Variants in IQCN observed in about 807,000 individuals in gnomAD.
The protein encoded by IQCN is IQ motif containing N.
In IQCN, 46 loss-of-function variants were observed where a neutral mutation model predicts 64.4. The observed-to-expected ratio is 0.71, with a 90% CI of 0.56 to 0.91. The LOEUF (loss-of-function observed/expected upper bound fraction) is 0.91, where lower values mean the gene tolerates loss of function less well. Ranked by LOEUF, IQCN falls within the 40% of genes least tolerant of loss-of-function variation. The pLI is 0.00. For synonymous variants in IQCN, 733 were observed against 775.6 expected (o/e 0.95, Z 0.91); for missense variants, 1,753 against 1,857.4 (o/e 0.94, Z 1.03).
chr19:18,257,874 T>A lies in IQCN; in HGVS notation c.3410A>T (p.His1137Leu), dbSNP rs1419276195. Reference protein sequence around the residue: ...YLARRRIRLWHRGAMVIQATW... With the variant: ...YLARRRIRLWLRGAMVIQATW... ...AGCTTGGATGACCATGGCCCCCCGG[T>A]GCCACAGCCGGATCCTGCGACGCGC... Residue 1137 changes from histidine (H) to leucine (L), a missense_variant, in exon 4 of 4, where the codon CAC (histidine) becomes CTC (leucine). Physicochemically the swap from His to Leu is moderately conservative, Grantham distance 99 (BLOSUM62 -3). Coordinates refer to ENST00000392413, the MANE Select transcript of IQCN (RefSeq NM_001145304.2). 1.2e-6 allele frequency: 2 copies of A among 1,612,190 alleles called. No individual in the cohort carries two copies. The highest frequency in any genetic ancestry group is 2.7e-5 in the African/African-American group (2 of 74,916).
Position 18,257,904 on chromosome 19 carries a change from T to G in IQCN, c.3380A>C (p.Tyr1127Ser). 1 of 1,612,716 alleles carries G rather than the reference T, an allele frequency of 6.2e-7. No homozygotes were observed. Among genetic ancestry groups the G allele is most frequent in the Non-Finnish European group, 8.5e-7 (1 of 1,179,902 alleles). Residue 1127 changes from tyrosine (Y) to serine (S), a missense_variant, in exon 4 of 4, where the codon TAC becomes TCC. Tyr to Ser is a moderately radical substitution (Grantham distance 144). Transcript: ENST00000392413. ...CAGCCGGATCCTGCGACGCGCCAGG[T>G]AGCCACGGACGCCCGCCTGGATAGT... ...VITIQAGVRG[Y>S]LARRRIRLWH... is the part of the protein sequence containing the mutation.
At chr19:18,270,839 A>G (rs1969720359) in intron 1 of IQCN, among the ~76,000 whole-genome samples, 1 of 151,678 alleles carries the variant, frequency 6.6e-6, no homozygotes. Flanking sequence ...TCAAAAAAAA[A>G]AAAAAAAAGA....
rs1217353971 is a variant in IQCN at position 18,264,672 on chromosome 19, CCGGGACAGGGCT to C, written c.2856_2867del (p.Ala953_Arg956del). 5.2e-6 allele frequency: 8 copies of C among 1,551,360 alleles called. No homozygotes were observed. Among genetic ancestry groups the C allele is most frequent in the Non-Finnish European group, 6.1e-6 (7 of 1,147,010 alleles). ...TGGTGAGTTCCGCCCGCAGCTCGCC[CCGGGACAGGGCT>C]CGGGACAGGGTCAGGCGCAGCTCAC... On this transcript the variant is annotated inframe_deletion, in exon 3 of 4. Coordinates refer to ENST00000392413, the MANE Select transcript of IQCN (RefSeq NM_001145304.2). The surrounding 1 kb of genome is among the most constrained non-coding windows in gnomAD (Gnocchi z 4.3).
intron 3 of IQCN, chr19:18,261,462 ACT>A (rs1969426087): frequency 6.5e-6 from 1 of 154,030 alleles, no homozygotes; most frequent in African/African-American, 2.4e-5. Flanking sequence ...GCTTGGGGAC[ACT>A]CTGATGGTCA....
rs1180718265 is a variant in IQCN at position 18,264,032 on chromosome 19, C to T, written c.3177+331G>A. ...TGAGCAAACTGGGGCCCTCCCCACT[C>T]CCCTCGGGGTTAAAATCTGATGCCA... On this transcript the variant is annotated intron_variant, in intron 3 of 3. Coordinates refer to ENST00000392413, the MANE Select transcript of IQCN (RefSeq NM_001145304.2). This position sits in a 1 kb window ranked among gnomAD's most constrained non-coding sequence, Gnocchi z 4.3. Among the ~76,000 whole-genome samples the T allele has an allele frequency of 6.6e-6, 1 of 152,168 alleles. No individual in the cohort carries two copies. The highest frequency in any genetic ancestry group is 1.5e-5 in the Non-Finnish European group (1 of 68,016).
In IQCN at chr19:18,274,431, G is replaced by C. The variant is rs766889134; in HGVS notation, c.-138C>G. 3 of 151,182 alleles carry C rather than the reference G, an allele frequency of 2.0e-5. No individual in the cohort carries two copies. The highest frequency in any genetic ancestry group is 7.3e-5 in the African/African-American group (3 of 41,094). 9.4% of individuals were successfully genotyped at this position (151,182 alleles called of 1,614,324 possible). A position where few individuals can be genotyped will look rare whatever the true frequency, so the allele number is the denominator to read the frequency against. The stretch of plus-strand genomic sequence containing the variant: ...CCCCTGAAGCTAAACCTAGCAGTCT[G>C]AACGGCCAGTCTTGGAGCCCTGGTG... On this transcript the variant is annotated 5_prime_UTR_variant, in exon 1 of 4. Coordinates refer to ENST00000392413, the MANE Select transcript of IQCN (RefSeq NM_001145304.2).
rs1278569737 is a variant in IQCN, at chr19:18,271,171, C to CAAAAAA, written c.-109-1590_-109-1585dup. Among the ~76,000 whole-genome samples the CAAAAAA allele has an allele frequency of 2.4e-3, 196 of 82,386 alleles. 5 individuals carry two copies. Among genetic ancestry groups the CAAAAAA allele is most frequent in the African/African-American group, 8.1e-3 (183 of 22,732 alleles). The allele number at this position is 82,386 out of a possible 152,430, so 54.0% of individuals were successfully genotyped here. On this transcript the variant is annotated intron_variant, in intron 1 of 3. Coordinates refer to ENST00000392413, the MANE Select transcript of IQCN (RefSeq NM_001145304.2). ...TGGGCGACAGAGTGAGACTCTGTCT[C>CAAAAAA]AAAAAAAAAAAAAAAAAACCAGGCG...
rs545827825 is a variant in IQCN, at chr19:18,271,778, G to A, written c.-109-2191C>T. On this transcript the variant is annotated intron_variant, in intron 1 of 3. Coordinates refer to ENST00000392413, the MANE Select transcript of IQCN (RefSeq NM_001145304.2). Reference sequence around the variant, plus strand: ...AGGCCTTCAATGTGTATGGGCCACCGTGGGGGCTCTGTTCGTTTATTATCA... The same window carrying A: ...AGGCCTTCAATGTGTATGGGCCACCATGGGGGCTCTGTTCGTTTATTATCA... Among the ~76,000 whole-genome samples, 71 of 152,186 alleles carry A rather than the reference G, an allele frequency of 4.7e-4. 1 individual carries two copies. The South Asian group carries it at 0.012, about 26-fold the overall frequency.
At chr19:18,269,948 G>T (rs959315471) in intron 1 of IQCN, among the ~76,000 whole-genome samples, 32 of 150,520 alleles carry the variant, frequency 2.1e-4, no homozygotes, top group Admixed American at 2.1e-3. Flanking sequence ...TGAGCACAGT[G>T]GTTCTTGCCT....
chr19:18,264,546 A>G lies in IQCN; in HGVS notation c.2994T>C (p.Ala998=), dbSNP rs1969501014. The part of the protein sequence containing the change: ...SQALCQGELG[A]LLSQSWCRVA... Reference sequence around the variant, plus strand: ...CCCGACACCAAGACTGGCTCAGGAGAGCACCCAGCTCACCCTGACACAGGG... The same window carrying G: ...CCCGACACCAAGACTGGCTCAGGAGGGCACCCAGCTCACCCTGACACAGGG... The change falls in exon 3 of 4, where the codon GCT becomes GCC. Residue 998 remains alanine, a synonymous_variant. Transcript: ENST00000392413. The surrounding 1 kb of genome is among the most constrained non-coding windows in gnomAD (Gnocchi z 4.3). The G allele has an allele frequency of 6.4e-7, 1 of 1,550,750 alleles. No individual in the cohort carries two copies. Among genetic ancestry groups the G allele is most frequent in the Admixed American group, 2.0e-5 (1 of 50,956 alleles).
At chr19:18,258,774 G>A (rs1969369576) in intron 3 of IQCN, 1 of 242,976 alleles carries the variant, frequency 4.1e-6, no homozygotes, top group Middle Eastern at 1.7e-3. Flanking sequence ...GTGATTTGGG[G>A]GTATGACGTG....
At position 18,266,012 on chromosome 19, in the gene IQCN, A is replaced by AGCGTAACTGG; in HGVS notation, c.1518_1527dup (p.Ser510ProfsTer43). The AGCGTAACTGG allele has an allele frequency of 6.2e-7, 1 of 1,613,778 alleles. No homozygotes were observed. Among genetic ancestry groups the AGCGTAACTGG allele is most frequent in the Non-Finnish European group, 8.5e-7 (1 of 1,179,886 alleles). ...AGAGTCTTGAGGATGGTGGCCACCGAGCGTAACTGGGCTGGGGTCTTGGTT... is the reference window on the plus strand; with the variant it reads ...AGAGTCTTGAGGATGGTGGCCACCGAGCGTAACTGGGCGTAACTGGGCTGGGGTCTTGGTT... On this transcript the variant is annotated frameshift_variant, in exon 3 of 4. Coordinates refer to ENST00000392413, the MANE Select transcript of IQCN (RefSeq NM_001145304.2). LOFTEE classifies it high-confidence loss of function. The surrounding 1 kb of genome is among the most constrained non-coding windows in gnomAD (Gnocchi z 4.3).
Position 18,269,506 on chromosome 19 carries a change from G to C in IQCN, c.-28C>G, listed in dbSNP as rs1969687903. On this transcript the variant is annotated 5_prime_UTR_variant, in exon 2 of 4. Coordinates refer to ENST00000392413, the MANE Select transcript of IQCN (RefSeq NM_001145304.2). ...ATTTGGAGGAGTAGCAGGAGAAGAA[G>C]GTGCAATCTCAGAAGCCAGCCTGCA... is the stretch of plus-strand genomic sequence containing the variant. 1.2e-6 allele frequency: 2 copies of C among 1,613,688 alleles called. No individual in the cohort carries two copies. The highest frequency in any genetic ancestry group is 1.3e-5 in the African/African-American group (1 of 75,004).
chr19:18,258,698 C>T (rs1969367324), intron 3 of IQCN: 1 of 335,236 alleles, frequency 3.0e-6, no homozygotes, highest in Admixed American at 4.1e-5. Context: ...ATCTGAAAGC[C>T]TCAGTACTGC....
chr19:18,270,487 C>T (rs199958351), intron 1 of IQCN, among the ~76,000 whole-genome samples: 3 of 151,936 alleles, frequency 2.0e-5, no homozygotes, highest in East Asian at 3.9e-4. Context: ...TGGTAAAACC[C>T]GTCTCTACTA....
Position 18,264,657 on chromosome 19 carries a change from C to T in IQCN, c.2883G>A (p.Ala961=), listed in dbSNP as rs1289163030. The T allele has an allele frequency of 1.5e-5, 23 of 1,551,224 alleles. No homozygotes were observed. Among genetic ancestry groups the T allele is most frequent in the Non-Finnish European group, 1.8e-5 (21 of 1,146,994 alleles). ...TACCCTGCATGACCTTGGTGAGTTC[C>T]GCCCGCAGCTCGCCCCGGGACAGGG... is the stretch of plus-strand genomic sequence containing the variant. ...SRALSRGELR[A]ELTKVMQGKL... Residue 961 remains alanine (A), a synonymous_variant, in exon 3 of 4, where the codon GCG becomes GCA. Transcript: ENST00000392413. The surrounding 1 kb of genome is among the most constrained non-coding windows in gnomAD (Gnocchi z 4.3).
chr19:18,264,946 G>A lies in IQCN; in HGVS notation c.2594C>T (p.Ala865Val), dbSNP rs201006946. 1.1e-5 allele frequency: 17 copies of A among 1,611,392 alleles called. No individual in the cohort carries two copies. Among genetic ancestry groups the A allele is most frequent in the East Asian group, 6.7e-5 (3 of 44,900 alleles). Residue 865 changes from alanine (A) to valine (V), a missense_variant, in exon 3 of 4, where the codon GCG becomes GTG. Transcript: ENST00000392413. The surrounding 1 kb of genome is among the most constrained non-coding windows in gnomAD (Gnocchi z 4.3). ...TACCGTGTCCTCCTGGCAGGGCACC[G>A]CCTGGCCGGGCATTGATGGCTGGGC... Reference protein sequence around the residue: ...TRAQPSMPGQAVPCQEDTVGS... With the variant: ...TRAQPSMPGQVVPCQEDTVGS...
chr19:18,268,217 T>TGTGTGTGTGTG (rs58772952), intron 2 of IQCN, among the ~76,000 whole-genome samples: 5 of 132,722 alleles, frequency 3.8e-5, no homozygotes, highest in East Asian at 2.1e-4. Flanking sequence ...TGTGTGTGTG[T>TGTGTGTGTGTG]TTGAAAAAGA....
rs2148089583 is a variant in IQCN, at chr19:18,257,737, A to G, written c.3547T>C (p.Trp1183Arg). Residue 1183 changes from tryptophan to arginine, a missense_variant, in exon 4 of 4, where the codon TGG (tryptophan) becomes CGG (arginine). Transcript: ENST00000392413. ...YSTRRDQARHWQMLHPVTWVE... is the reference protein window; with the variant it reads ...YSTRRDQARHRQMLHPVTWVE... ...CACGTGACGGGGTGGAGCATCTGCCAGTGCCGGGCTTGGTCCCGGCGGGTG... is the reference window on the plus strand; with the variant it reads ...CACGTGACGGGGTGGAGCATCTGCCGGTGCCGGGCTTGGTCCCGGCGGGTG... 1 of 1,610,648 alleles carries G rather than the reference A, an allele frequency of 6.2e-7. No homozygotes were observed. Among genetic ancestry groups the G allele is most frequent in the Non-Finnish European group, 8.5e-7 (1 of 1,178,670 alleles).
Sources: gnomAD v4.1 joint callset for allele counts (sites outside exome capture counted in the v4.1 genomes callset) on GRCh38, gnomAD v4.1.1 for gene constraint, Gnocchi (gnomAD v3.1) non-coding constraint, MANE v1.5 for transcripts, NCBI Gene and HGNC (gene_info 2026-07-23, HGNC 2026-07-21) for gene names.